Variants in TMEM178B observed in about 807,000 individuals in gnomAD.
TMEM178B encodes the protein transmembrane protein 178B.
A neutral mutation model predicts 31.0 loss-of-function variants in TMEM178B; 5 were observed. The ratio of observed to expected loss-of-function variants is 0.16; its 90% confidence interval spans 0.08 to 0.34. TMEM178B has a LOEUF of 0.34. Ranked by LOEUF, TMEM178B falls within the 10% of genes least tolerant of loss-of-function variation. TMEM178B has a pLI of 1.00. For missense variants in TMEM178B, 275 were observed against 400.3 expected (o/e 0.69, Z 2.67); for synonymous variants, 164 against 164.0 (o/e 1.00, Z 0.00).
At chr7:141,441,052 T>G (rs1454441218) in intron 3 of TMEM178B, among the ~76,000 whole-genome samples, 1 of 152,222 alleles carries the variant, frequency 6.6e-6, no homozygotes, top group Non-Finnish European at 1.5e-5. Flanking sequence ...TCTTCTCTAG[T>G]TAGGGTTCTT....
intron 2 of TMEM178B, among the ~76,000 whole-genome samples, chr7:141,384,476 C>T (rs1243289743): frequency 6.6e-6 from 1 of 152,134 alleles, no homozygotes; most frequent in Admixed American, 6.5e-5. Context: ...ATAGGGAATC[C>T]TTTCCCCATT....
chr7:141,494,083 G>A, the TMEM178B span, among the ~76,000 whole-genome samples: 1 of 152,090 alleles, frequency 6.6e-6, no homozygotes, highest in African/African-American at 2.4e-5. Context: ...TTTTAAAGGA[G>A]TATCTGTGAG....
At chr7:141,267,169 G>A (rs4726442) in intron 2 of TMEM178B, among the ~76,000 whole-genome samples, 127,259 of 152,244 alleles carry the variant, frequency 0.84, 53,432 homozygotes, top group East Asian at 0.99. Context: ...TTCAGCCAAC[G>A]AGCGAAGCTC....
chr7:141,205,132 G>T (rs931634093), intron 1 of TMEM178B, among the ~76,000 whole-genome samples: 1 of 152,126 alleles, frequency 6.6e-6, no homozygotes, highest in South Asian at 2.1e-4. Context: ...GACTGATTTC[G>T]ATAAACTCTG....
chr7:141,355,515 G>T (rs1799804226), intron 2 of TMEM178B, among the ~76,000 whole-genome samples: 1 of 152,206 alleles, frequency 6.6e-6, no homozygotes, highest in South Asian at 2.1e-4. Context: ...GTGAGGTGGG[G>T]TGTGTATGTG....
chr7:141,462,616 A>C (rs1032272600), intron 3 of TMEM178B, among the ~76,000 whole-genome samples: 22 of 152,096 alleles, frequency 1.4e-4, no homozygotes, highest in Non-Finnish European at 7.3e-5. Flanking sequence ...GTAGCCAAAA[A>C]ACTAAAATTA....
intron 1 of TMEM178B, among the ~76,000 whole-genome samples, chr7:141,134,475 C>A (rs1006187085): frequency 2.0e-5 from 3 of 152,014 alleles, no homozygotes; most frequent in African/African-American, 7.3e-5. Flanking sequence ...AATGAAAGAA[C>A]AATATCTACC....
chr7:141,138,797 A>G (rs564700703), intron 1 of TMEM178B, among the ~76,000 whole-genome samples: 5 of 151,990 alleles, frequency 3.3e-5, no homozygotes, highest in African/African-American at 1.2e-4. Context: ...CCTGGCTAAC[A>G]TGGTGAAACC....
At chr7:141,489,345 G>T in the TMEM178B span, among the ~76,000 whole-genome samples, 5 of 152,030 alleles carry the variant, frequency 3.3e-5, no homozygotes, top group Non-Finnish European at 7.4e-5. Flanking sequence ...TTTTCATTTT[G>T]CCCCCCTTTG....
intron 2 of TMEM178B, among the ~76,000 whole-genome samples, chr7:141,339,031 T>C (rs1419617593): frequency 6.6e-6 from 1 of 152,134 alleles, no homozygotes; most frequent in Non-Finnish European, 1.5e-5. Flanking sequence ...GGTGTGCATG[T>C]GTATGCGTGT....
intron 2 of TMEM178B, among the ~76,000 whole-genome samples, chr7:141,252,467 T>C (rs1240585277): frequency 6.6e-6 from 1 of 152,210 alleles, no homozygotes; most frequent in African/African-American, 2.4e-5. Flanking sequence ...CAAGGGAAAC[T>C]GGCCACGATG....
chr7:141,296,662 C>T (rs910532910), intron 2 of TMEM178B, among the ~76,000 whole-genome samples: 11 of 152,268 alleles, frequency 7.2e-5, no homozygotes, highest in African/African-American at 2.4e-4. Flanking sequence ...TAGATTCACA[C>T]GCGGTTGTAA....
Position 141,480,355 on chromosome 7 carries a change from A to C in TMEM178B, c.*9569A>C, listed in dbSNP as rs1186408933. 6.6e-6 allele frequency: 1 copy of C among 152,264 alleles called. No homozygotes were observed. Among genetic ancestry groups the C allele is most frequent in the African/African-American group, 2.4e-5 (1 of 41,472 alleles). 9.4% of individuals were successfully genotyped at this position (152,264 alleles called of 1,614,324 possible). On this transcript the variant is annotated 3_prime_UTR_variant, in exon 4 of 4. Coordinates refer to ENST00000565468, the MANE Select transcript of TMEM178B (RefSeq NM_001195278.2). ...TGTAAACTGATTAAACAATTAAATA[A>C]AGAAGATTATGTTGTGTGTTTTAAA... is the stretch of plus-strand genomic sequence containing the variant.
chr7:141,176,761 T>C (rs1483567476), intron 1 of TMEM178B, among the ~76,000 whole-genome samples: 1 of 152,224 alleles, frequency 6.6e-6, no homozygotes, highest in Non-Finnish European at 1.5e-5. Flanking sequence ...TGCTTACAGA[T>C]TCTCCAGTGG....
chr7:141,276,564 C>T (rs1487015713), intron 2 of TMEM178B, among the ~76,000 whole-genome samples: 1 of 151,992 alleles, frequency 6.6e-6, no homozygotes, highest in Non-Finnish European at 1.5e-5. Context: ...CATGAGAACT[C>T]GCTCACTATC....
At chr7:141,081,633 T>G in intron 1 of TMEM178B, among the ~76,000 whole-genome samples, 1 of 146,162 alleles carries the variant, frequency 6.8e-6, no homozygotes, top group Non-Finnish European at 1.5e-5. Flanking sequence ...TGAAACTCCA[T>G]CTCAAAAAAA....
chr7:141,503,134 G>A, the TMEM178B span, among the ~76,000 whole-genome samples: 1 of 152,314 alleles, frequency 6.6e-6, no homozygotes, highest in East Asian at 1.9e-4. Context: ...ATTTCCATGT[G>A]GAAGGTTGCC....
At chr7:141,281,198 A>G (rs903477032) in intron 2 of TMEM178B, among the ~76,000 whole-genome samples, 1 of 152,160 alleles carries the variant, frequency 6.6e-6, no homozygotes, top group African/African-American at 2.4e-5. Context: ...AAATAGCTGC[A>G]GGGCTGCACC....
downstream of TMEM178B, among the ~76,000 whole-genome samples, chr7:141,480,852 C>G (rs1164682329): frequency 6.6e-6 from 1 of 152,160 alleles, no homozygotes; most frequent in Non-Finnish European, 1.5e-5. Flanking sequence ...TGGGCTCACA[C>G]CTGGGTGGGA....
Sources: gnomAD v4.1 joint callset for allele counts (sites outside exome capture counted in the v4.1 genomes callset) on GRCh38, gnomAD v4.1.1 for gene constraint, MANE v1.5 for transcripts, NCBI Gene and HGNC (gene_info 2026-07-23, HGNC 2026-07-21) for gene names.